Variants in MICAL2 observed in about 807,000 individuals in gnomAD.
MICAL2 encodes [F-actin]-monooxygenase MICAL2.
Under a neutral mutation model 127.3 loss-of-function variants are expected in MICAL2, and 77 were observed. That is an observed-to-expected ratio of 0.60 (90% confidence interval 0.50 to 0.73). The LOEUF (loss-of-function observed/expected upper bound fraction) is 0.73, where lower values mean the gene tolerates loss of function less well. MICAL2 is among the 30% of genes least tolerant of loss of function. The pLI is 0.00. For synonymous variants in MICAL2, 570 were observed against 551.1 expected, an observed-to-expected ratio of 1.03 and a Z score of -0.48; for missense variants, 1,351 against 1,434.4, an observed-to-expected ratio of 0.94 and a Z score of 0.94.
intron 15 of MICAL2, among the ~76,000 whole-genome samples, chr11:12,232,885 A>G (rs1443243969): frequency 6.6e-6 from 1 of 152,244 alleles, no homozygotes; most frequent in Non-Finnish European, 1.5e-5. Flanking sequence ...AAATTCCAGA[A>G]ACAATTCAGT....
chr11:12,259,726 G>A lies in MICAL2; in HGVS notation c.3232-69G>A, dbSNP rs1452517507. On this transcript the variant is annotated intron_variant, in intron 25 of 27. Transcript: ENST00000683283. ...CTGGCGAGTTCAGTTTGTATTGGCT[G>A]TTGGCTTTGTTGAAGTAGTCCTCTG... 4.3e-6 allele frequency: 6 copies of A among 1,388,858 alleles called. No individual in the cohort carries two copies. In the Admixed American group the frequency reaches 1.4e-4, roughly 32 times the overall value. 86.0% of individuals were successfully genotyped at this position (1,388,858 alleles called of 1,614,324 possible). A position where few individuals can be genotyped will look rare whatever the true frequency, so the allele number is the denominator to read the frequency against.
chr11:12,195,258 A>C (rs1406699131), intron 3 of MICAL2, among the ~76,000 whole-genome samples: 1 of 152,224 alleles, frequency 6.6e-6, no homozygotes, highest in African/African-American at 2.4e-5. Context: ...CCCTGTCTCT[A>C]AAAACCAAAC....
rs779764880 is a variant in MICAL2 at position 12,216,191 on chromosome 11, C to A, written c.848-28C>A. The A allele has an allele frequency of 7.8e-6, 12 of 1,544,634 alleles. No homozygotes were observed. The South Asian group carries it at 1.3e-4, about 17-fold the overall frequency. On this transcript the variant is annotated intron_variant, in intron 7 of 27. Transcript: ENST00000683283. ...CACAGTTGGTGCCGAGGAAGTAACA[C>A]TGAGCTTGTGAATGCTTCTCTTTTC...
At chr11:12,319,281 T>A (rs146158167) in intron 29 of MICAL2, among the ~76,000 whole-genome samples, 1,639 of 152,264 alleles carry the variant, frequency 0.011, 12 homozygotes, top group Non-Finnish European at 0.016. Context: ...CTTTTTTGCA[T>A]TCAATTACTC....
chr11:12,152,194 A>C (rs532118812), intron 2 of MICAL2, among the ~76,000 whole-genome samples: 2 of 141,150 alleles, frequency 1.4e-5, no homozygotes, highest in South Asian at 4.9e-4. Context: ...GCTACTTGGG[A>C]GGCTGAGGCA....
intron 1 of MICAL2, among the ~76,000 whole-genome samples, chr11:12,134,529 A>G (rs1321446587): frequency 6.6e-6 from 1 of 152,120 alleles, no homozygotes; most frequent in Non-Finnish European, 1.5e-5. Flanking sequence ...CAGTCTGTAG[A>G]TACCTTGCTG....
At chr11:12,166,394 A>G (rs1590152705) in intron 3 of MICAL2, among the ~76,000 whole-genome samples, 2 of 152,352 alleles carry the variant, frequency 1.3e-5, no homozygotes, top group East Asian at 3.9e-4. Flanking sequence ...TGGAAGATGA[A>G]TAAGATGTGG....
intron 2 of MICAL2, among the ~76,000 whole-genome samples, chr11:12,284,525 A>T (rs1379445597): frequency 6.6e-6 from 1 of 152,166 alleles, no homozygotes; most frequent in Non-Finnish European, 1.5e-5. Context: ...AACACCAGTG[A>T]TGGAAAATCT....
At chr11:12,257,162 G>A in intron 24 of MICAL2, 191 bp downstream of exon 24, 1 of 628,488 alleles carries the variant, frequency 1.6e-6, no homozygotes, top group South Asian at 2.2e-5. Flanking sequence ...TGGTCCCAGG[G>A]AAGGGGTAGC....
At chr11:12,205,774 A>G (rs1034481882) in intron 4 of MICAL2, among the ~76,000 whole-genome samples, 1 of 152,246 alleles carries the variant, frequency 6.6e-6, no homozygotes, top group African/African-American at 2.4e-5. Context: ...TGCCTAGCAC[A>G]TAGTAAGTGC....
At chr11:12,255,830 A>G (rs1862255796) in intron 23 of MICAL2, 80 bp downstream of exon 23, 2 of 1,142,702 alleles carry the variant, frequency 1.8e-6, no homozygotes, top group Non-Finnish European at 1.3e-6. Flanking sequence ...TGTCGAGAGG[A>G]TGCCCTGGCC....
chr11:12,320,695 A>G (rs1329873447), intron 30 of MICAL2, among the ~76,000 whole-genome samples: 3 of 152,082 alleles, frequency 2.0e-5, no homozygotes, highest in East Asian at 3.9e-4. Flanking sequence ...CAACTTTTCT[A>G]TATCTGGCAT....
At chr11:12,114,802 A>G (rs1413437227) in intron 1 of MICAL2, among the ~76,000 whole-genome samples, 1 of 152,198 alleles carries the variant, frequency 6.6e-6, no homozygotes, top group African/African-American at 2.4e-5. Flanking sequence ...ACATCCTAAA[A>G]TAATAGAAGA....
chr11:12,187,896 G>C (rs571909222), intron 3 of MICAL2, among the ~76,000 whole-genome samples: 10 of 151,900 alleles, frequency 6.6e-5, no homozygotes, highest in South Asian at 2.1e-4. Context: ...TGTTGATAGG[G>C]AGGGGCAGTT....
Position 12,242,428 on chromosome 11 carries a change from T to C in MICAL2, c.2552T>C (p.Leu851Pro). The change falls in exon 19 of 28, where the codon CTC becomes CCC. Residue 851 changes from leucine (L) to proline (P), a missense_variant. This residue lies in a region of MICAL2 where 752 missense variants were observed against 719.4 expected (regional missense o/e 1.05). Transcript: ENST00000683283. ...CTGCAGCAAGTGGAGGAAAAGATTCTCCAGGTGAGAGACTCACTTTTTGCC... is the reference window on the plus strand; with the variant it reads ...CTGCAGCAAGTGGAGGAAAAGATTCCCCAGGTGAGAGACTCACTTTTTGCC... ...WRLQQVEEKI[L>P]QKRAQNLANR... The C allele has an allele frequency of 6.2e-7, 1 of 1,602,260 alleles. No homozygotes were observed. Among genetic ancestry groups the C allele is most frequent in the Non-Finnish European group, 8.5e-7 (1 of 1,172,642 alleles).
At chr11:12,293,242 A>G (rs969653330), downstream of MICAL2, among the ~76,000 whole-genome samples, 2 of 152,010 alleles carry the variant, frequency 1.3e-5, no homozygotes, top group Non-Finnish European at 2.9e-5. Context: ...TCCTACCATC[A>G]TGGGCCCGGG....
At chr11:12,289,564 T>G (rs543270810), downstream of MICAL2, among the ~76,000 whole-genome samples, 5,363 of 38,900 alleles carry the variant, frequency 0.14, 387 homozygotes, top group African/African-American at 0.21. Flanking sequence ...TTGTTTTTTT[T>G]TGTTTTTTTT....
chr11:12,341,857 A>G (rs904981749), intron 32 of MICAL2, among the ~76,000 whole-genome samples: 1 of 152,154 alleles, frequency 6.6e-6, no homozygotes, highest in Non-Finnish European at 1.5e-5. Context: ...GAAAAAAGTT[A>G]TTGACCTTTA....
intron 27 of MICAL2, 54 bp downstream of exon 27, chr11:12,262,591 T>C: frequency 6.9e-7 from 1 of 1,446,178 alleles, no homozygotes; most frequent in Non-Finnish European, 9.7e-7. Flanking sequence ...CCAACCCGCT[T>C]TCCGCACCCC....
Sources: gnomAD v4.1 joint callset for allele counts (sites outside exome capture counted in the v4.1 genomes callset) on GRCh38, gnomAD v4.1.1 for gene constraint, gnomAD v4.1.1 regional missense constraint, MANE v1.5 for transcripts, NCBI Gene and HGNC (gene_info 2026-07-23, HGNC 2026-07-21) for gene names.